ATXN1: variants seen among roughly 807,000 people sequenced by gnomAD.
ATXN1 encodes the protein ataxin 1.
In ATXN1, 8 loss-of-function variants were observed where a neutral mutation model predicts 56.4. That is an observed-to-expected ratio of 0.14 (90% CI 0.08 to 0.26). The LOEUF is 0.26. Ranked by LOEUF, ATXN1 falls within the 10% of genes least tolerant of loss-of-function variation. The pLI is 1.00. For missense variants in ATXN1, 987 were observed against 1,106.5 expected (o/e 0.89, Z 1.53); for synonymous variants, 514 against 494.6 (o/e 1.04, Z -0.52).
chr6:16,509,168 G>C (rs559786431), intron 5 of ATXN1, among the ~76,000 whole-genome samples: 26 of 152,154 alleles, frequency 1.7e-4, no homozygotes, highest in South Asian at 4.1e-4. Flanking sequence ...AAACAGCTGA[G>C]ACTGGATGCA....
chr6:16,532,285 G>T (rs914754675), intron 4 of ATXN1, among the ~76,000 whole-genome samples: 20 of 152,132 alleles, frequency 1.3e-4, no homozygotes, highest in African/African-American at 4.8e-4. Context: ...GTAGCCAAAA[G>T]CAGTCGGTGG....
intron 2 of ATXN1, among the ~76,000 whole-genome samples, chr6:16,730,181 G>T (rs995965880): frequency 6.6e-6 from 1 of 152,082 alleles, no homozygotes; most frequent in African/African-American, 2.4e-5. Flanking sequence ...CAGGAGGCTG[G>T]GGCAGGAGAA....
At position 16,363,040 on chromosome 6, in the gene ATXN1, A is replaced by T. The variant is rs1473934280; in HGVS notation, c.-160-34570T>A. Among the ~76,000 whole-genome samples, 3 of 152,140 alleles carry T rather than the reference A, an allele frequency of 2.0e-5. No homozygotes were observed. The East Asian group carries it at 5.8e-4, about 29-fold the overall frequency. Reference sequence around the variant, plus strand: ...TATGTATGCTGTTCCTTTATAACGGAATCTTCCCCATTGCCATCCCTACCC... The same window carrying T: ...TATGTATGCTGTTCCTTTATAACGGTATCTTCCCCATTGCCATCCCTACCC... On this transcript the variant is annotated intron_variant, in intron 6 of 7. Transcript: ENST00000436367.
At chr6:16,569,794 C>G (rs1762299734) in intron 4 of ATXN1, among the ~76,000 whole-genome samples, 1 of 152,164 alleles carries the variant, frequency 6.6e-6, no homozygotes, top group East Asian at 1.9e-4. Flanking sequence ...TGACTAAATT[C>G]TGGTCAAGGG....
At chr6:16,590,563 C>T (rs889812330) in intron 3 of ATXN1, among the ~76,000 whole-genome samples, 4 of 152,140 alleles carry the variant, frequency 2.6e-5, no homozygotes, top group African/African-American at 9.7e-5. Flanking sequence ...TCACATTTAT[C>T]ACTGATAAAA....
At chr6:16,382,906 G>T (rs9477100) in intron 6 of ATXN1, among the ~76,000 whole-genome samples, 4 of 151,828 alleles carry the variant, frequency 2.6e-5, no homozygotes, top group East Asian at 1.9e-4. Context: ...GAATGGGAGG[G>T]GGGGAGTGGG....
At chr6:16,504,231 C>A (rs987336024) in intron 5 of ATXN1, among the ~76,000 whole-genome samples, 1 of 152,218 alleles carries the variant, frequency 6.6e-6, no homozygotes, top group African/African-American at 2.4e-5. Context: ...TAAGCCCTCA[C>A]TGACTCCTAC....
chr6:16,745,322 A>AATT (rs1319028297), intron 2 of ATXN1, among the ~76,000 whole-genome samples: 1 of 152,252 alleles, frequency 6.6e-6, no homozygotes, highest in Non-Finnish European at 1.5e-5. Context: ...AACAGTAAAC[A>AATT]ATTAGAAACA....
chr6:16,707,694 C>G lies in ATXN1; in HGVS notation c.-615+45539G>C, dbSNP rs984241095. Among the ~76,000 whole-genome samples, 7 of 152,126 alleles carry G rather than the reference C, an allele frequency of 4.6e-5. No individual in the cohort carries two copies. The East Asian group carries it at 1.2e-3, about 25-fold the overall frequency. Reference sequence around the variant, plus strand: ...TGGTTAAGTCTCAGTAGAGGGAACACTGGGGAAAATAGCAGACTGAGAGAG... The same window carrying G: ...TGGTTAAGTCTCAGTAGAGGGAACAGTGGGGAAAATAGCAGACTGAGAGAG... On this transcript the variant is annotated intron_variant, in intron 2 of 7. Transcript: ENST00000436367.
At position 16,305,888 on chromosome 6, in the gene ATXN1, G is replaced by T; in HGVS notation, c.*441C>A. Reference sequence around the variant, plus strand: ...GCCGATAGCAAGAGAGTGAGGCAGAGGGAGGCAGAGAAAAAGAGACCCTCA... The same window carrying T: ...GCCGATAGCAAGAGAGTGAGGCAGATGGAGGCAGAGAAAAAGAGACCCTCA... On this transcript the variant is annotated 3_prime_UTR_variant, in exon 8 of 8. Coordinates refer to ENST00000436367, the MANE Select transcript of ATXN1 (RefSeq NM_001128164.2). 6.3e-6 allele frequency: 1 copy of T among 159,214 alleles called. No individual in the cohort carries two copies. The allele number at this position is 159,214 out of a possible 1,614,324, so 9.9% of individuals were successfully genotyped here.
intron 6 of ATXN1, among the ~76,000 whole-genome samples, chr6:16,407,527 C>G (rs1758709528): frequency 6.6e-6 from 1 of 152,182 alleles, no homozygotes; most frequent in African/African-American, 2.4e-5. Context: ...TGGTTTTACT[C>G]ACAACATCTG....
chr6:16,539,168 T>C (rs560428299), intron 4 of ATXN1, among the ~76,000 whole-genome samples: 1 of 152,370 alleles, frequency 6.6e-6, no homozygotes, highest in South Asian at 2.1e-4. Context: ...GGCTAATGTG[T>C]TGATCCAGCT....
chr6:16,322,348 G>A (rs1368108011), intron 7 of ATXN1, among the ~76,000 whole-genome samples: 6 of 152,118 alleles, frequency 3.9e-5, no homozygotes, highest in South Asian at 2.1e-4. Flanking sequence ...ACCCAAATCC[G>A]CACCCCTGGG....
At chr6:16,603,684 T>C (rs1267647883) in intron 3 of ATXN1, among the ~76,000 whole-genome samples, 3 of 152,034 alleles carry the variant, frequency 2.0e-5, no homozygotes, top group African/African-American at 7.3e-5. Context: ...GAAAAGAGCA[T>C]TACCACAAGA....
intron 2 of ATXN1, among the ~76,000 whole-genome samples, chr6:16,704,421 C>T (rs191835114): frequency 3.9e-5 from 6 of 152,272 alleles, no homozygotes; most frequent in African/African-American, 1.2e-4. Context: ...CTCTAAGAAT[C>T]TGTACAGATC....
intron 2 of ATXN1, among the ~76,000 whole-genome samples, chr6:16,669,169 G>C (rs996965761): frequency 6.6e-6 from 1 of 152,190 alleles, no homozygotes; most frequent in Non-Finnish European, 1.5e-5. Context: ...ACATGGCTAA[G>C]AGCAGACTGT....
At chr6:16,522,571 T>C (rs1487391177) in intron 5 of ATXN1, 56 bp downstream of exon 5, 2 of 152,032 alleles carry the variant, frequency 1.3e-5, no homozygotes, top group Non-Finnish European at 2.9e-5. Flanking sequence ...ATCATAGTAA[T>C]TGGATAATAT....
chr6:16,551,113 A>C (rs967132041), intron 4 of ATXN1, among the ~76,000 whole-genome samples: 18 of 152,224 alleles, frequency 1.2e-4, no homozygotes, highest in African/African-American at 4.3e-4. Context: ...TAAATGAAGA[A>C]TAAAAAGAAA....
At chr6:16,758,872 AGAGG>A (rs773415669) in intron 1 of ATXN1, among the ~76,000 whole-genome samples, 5 of 152,210 alleles carry the variant, frequency 3.3e-5, no homozygotes, top group African/African-American at 7.2e-5. Context: ...GAGGGCAATC[AGAGG>A]AGATTAAATG....
Sources: allele counts gnomAD v4.1 joint callset (sites outside exome capture counted in the v4.1 genomes callset), GRCh38; gene constraint gnomAD v4.1.1; transcripts MANE v1.5; gene names NCBI Gene and HGNC (gene_info 2026-07-23, HGNC 2026-07-21).